TMEM71: variants seen among roughly 807,000 people sequenced by gnomAD.
TMEM71 encodes transmembrane protein 71.
In TMEM71, 44 loss-of-function variants were observed where a neutral mutation model predicts 38.0. The ratio of observed to expected loss-of-function variants is 1.16; its 90% CI spans 0.91 to 1.49. The LOEUF is 1.49. Ranked by LOEUF, TMEM71 falls within the 40% of genes most tolerant of loss-of-function variation. The pLI, the probability that TMEM71 is intolerant of heterozygous loss-of-function variation, is 0.00. For synonymous variants in TMEM71, 133 were observed against 122.5 expected, an observed-to-expected ratio of 1.09 and a Z score of -0.56; for missense variants, 367 against 348.6, an observed-to-expected ratio of 1.05 and a Z score of -0.42.
intron 5 of TMEM71, among the ~76,000 whole-genome samples, chr8:132,744,428 T>C (rs1346090856): frequency 1.3e-5 from 2 of 152,088 alleles, no homozygotes; most frequent in African/African-American, 4.8e-5. Context: ...TGCAATCCCA[T>C]TTACAATAGC....
At chr8:132,717,145 G>A (rs1231759799) in intron 7 of TMEM71, among the ~76,000 whole-genome samples, 1 of 152,146 alleles carries the variant, frequency 6.6e-6, no homozygotes, top group African/African-American at 2.4e-5. Flanking sequence ...AACAAAAGAT[G>A]GGTGAGAAAC....
At chr8:132,753,757 T>C (rs1157261119) in intron 3 of TMEM71, among the ~76,000 whole-genome samples, 4 of 152,150 alleles carry the variant, frequency 2.6e-5, no homozygotes, top group Non-Finnish European at 5.9e-5. Context: ...TCCTTATCTG[T>C]AAAACGAGAA....
At chr8:132,724,649 G>T (rs1008404448) in intron 6 of TMEM71, among the ~76,000 whole-genome samples, 1 of 152,118 alleles carries the variant, frequency 6.6e-6, no homozygotes, top group Non-Finnish European at 1.5e-5. Context: ...AATCATCACA[G>T]TGCTCCTGAG....
chr8:132,749,605 C>T (rs1406268731), intron 4 of TMEM71, among the ~76,000 whole-genome samples: 2 of 152,184 alleles, frequency 1.3e-5, no homozygotes, highest in East Asian at 3.8e-4. Context: ...CTCTACAAGG[C>T]TCGCATGTTT....
At chr8:132,758,496 T>A in intron 2 of TMEM71, 1 of 214,170 alleles carries the variant, frequency 4.7e-6, no homozygotes, top group Non-Finnish European at 9.3e-6. Context: ...AACAGCGCTC[T>A]TATTTTCTGC....
rs568027765 is a variant in TMEM71 at position 132,733,716 on chromosome 8, C to A, written c.488-5730G>T. Among the ~76,000 whole-genome samples the A allele has an allele frequency of 2.4e-3, 370 of 152,330 alleles. 4 individuals carry two copies. The highest frequency in any genetic ancestry group is 6.2e-3 in the South Asian group (30 of 4,828). On this transcript the variant is annotated intron_variant, in intron 5 of 9. Coordinates refer to ENST00000677595, the MANE Select transcript of TMEM71 (RefSeq NM_001382403.1). ...GGGCCCTGGACCATGCCCATCCCAG[C>A]ACCATGCATGGTAGCCAAGATGCGG...
At chr8:132,732,014 C>T (rs529446718) in intron 5 of TMEM71, among the ~76,000 whole-genome samples, 15 of 152,264 alleles carry the variant, frequency 9.9e-5, no homozygotes, top group Non-Finnish European at 1.6e-4. Context: ...TGCATGGATA[C>T]GGGCCAGGCA....
chr8:132,730,525 T>C (rs1419688950), intron 5 of TMEM71, among the ~76,000 whole-genome samples: 1 of 152,102 alleles, frequency 6.6e-6, no homozygotes, highest in African/African-American at 2.4e-5. Flanking sequence ...TGGGAGATGA[T>C]GGGAGTAGCC....
chr8:132,772,954 G>GA, the TMEM71 span, among the ~76,000 whole-genome samples: 229 of 152,230 alleles, frequency 1.5e-3, 1 homozygote, highest in Middle Eastern at 3.4e-3. Context: ...ATAATGTTCA[G>GA]AAAAAAGGTC....
At chr8:132,715,819 G>C (rs1465396333) in intron 7 of TMEM71, among the ~76,000 whole-genome samples, 1 of 152,220 alleles carries the variant, frequency 6.6e-6, no homozygotes, top group East Asian at 1.9e-4. Context: ...TTTCTTAGAG[G>C]AGGTGAATAG....
intron 5 of TMEM71, among the ~76,000 whole-genome samples, chr8:132,732,919 C>T (rs761933467): frequency 8.5e-5 from 13 of 152,122 alleles, no homozygotes; most frequent in Non-Finnish European, 1.8e-4. Context: ...TACTGTGATG[C>T]TGAGGCTGAG....
chr8:132,734,880 T>C (rs1314257839), intron 5 of TMEM71, among the ~76,000 whole-genome samples: 1 of 152,220 alleles, frequency 6.6e-6, no homozygotes, highest in Non-Finnish European at 1.5e-5. Flanking sequence ...GTTGGGAAGA[T>C]TCTGTATCTT....
downstream of TMEM71, among the ~76,000 whole-genome samples, chr8:132,709,683 C>G (rs1278680575): frequency 6.6e-6 from 1 of 151,974 alleles, no homozygotes; most frequent in African/African-American, 2.4e-5. Context: ...ATACAGACAG[C>G]CACTGGAAGC....
At chr8:132,733,657 C>G (rs377609590) in intron 5 of TMEM71, among the ~76,000 whole-genome samples, 2 of 152,140 alleles carry the variant, frequency 1.3e-5, no homozygotes, top group Non-Finnish European at 2.9e-5. Flanking sequence ...AAATGAAACA[C>G]GCAGATCATC....
intron 7 of TMEM71, among the ~76,000 whole-genome samples, chr8:132,714,712 G>A (rs1826410236): frequency 6.6e-6 from 1 of 151,902 alleles, no homozygotes; most frequent in South Asian, 2.1e-4. Context: ...AGGAATAATT[G>A]GACTTTATCA....
intron 5 of TMEM71, among the ~76,000 whole-genome samples, chr8:132,734,385 A>C (rs1439558573): frequency 6.6e-6 from 1 of 152,180 alleles, no homozygotes. Context: ...GATCAAATCA[A>C]TGTGGAAGTG....
rs548796171 is a variant in TMEM71, at chr8:132,727,477, T to C, written c.676+321A>G. 8.5e-4 allele frequency among the ~76,000 whole-genome samples: 129 copies of C among 152,164 alleles called. No individual in the cohort carries two copies. In the Middle Eastern group the frequency reaches 0.01, roughly 12 times the overall value. On this transcript the variant is annotated intron_variant, in intron 6 of 9. Coordinates refer to ENST00000677595, the MANE Select transcript of TMEM71 (RefSeq NM_001382403.1). ...TTCACCATGTTAGCCAGGATGGTCTTGATCTCCTGACCTTGTGATCCGCCC... is the reference window on the plus strand; with the variant it reads ...TTCACCATGTTAGCCAGGATGGTCTCGATCTCCTGACCTTGTGATCCGCCC...
intron 5 of TMEM71, among the ~76,000 whole-genome samples, chr8:132,729,659 T>C (rs1021467805): frequency 1.1e-4 from 16 of 152,200 alleles, no homozygotes; most frequent in Admixed American, 4.6e-4. Context: ...GCATACGCTG[T>C]GGACAAAGCT....
At position 132,710,615 on chromosome 8, in the gene TMEM71, C is replaced by G. The variant is rs1216240847; in HGVS notation, c.*352G>C. ...AGACCCAGAAATCTGGTTACAAGCT[C>G]CTCACAGAATTTCCTAATGAAAATT... On this transcript the variant is annotated 3_prime_UTR_variant, in exon 10 of 10. Transcript: ENST00000677595. 2.1e-6 allele frequency: 1 copy of G among 479,870 alleles called. No homozygotes were observed. Among genetic ancestry groups the G allele is most frequent in the Non-Finnish European group, 3.6e-6 (1 of 276,610 alleles). 29.7% of individuals were successfully genotyped at this position (479,870 alleles called of 1,614,324 possible). A position where few individuals can be genotyped will look rare whatever the true frequency, so the allele number is the denominator to read the frequency against.
Sources: allele counts gnomAD v4.1 joint callset (sites outside exome capture counted in the v4.1 genomes callset), GRCh38; gene constraint gnomAD v4.1.1; transcripts MANE v1.5; gene names NCBI Gene and HGNC (gene_info 2026-07-23, HGNC 2026-07-21).